The following PI4KA variants were observed in gnomAD, a reference collection of about 807,000 sequenced individuals.
PI4KA encodes PI4-kinase alpha.
PI4KA carries 122 observed loss-of-function variants against 271.4 expected under a neutral mutation model. That is an observed-to-expected ratio of 0.45 (90% CI 0.39 to 0.52). The LOEUF (loss-of-function observed/expected upper bound fraction) is 0.52. PI4KA is among the 20% of genes least tolerant of loss of function. The pLI, the probability that PI4KA is intolerant of heterozygous loss-of-function variation, is 0.00. For synonymous variants in PI4KA, 1,041 were observed against 1,078.8 expected, an observed-to-expected ratio of 0.96 and a Z score of 0.69; for missense variants, 1,969 against 2,769.1, an observed-to-expected ratio of 0.71 and a Z score of 6.48.
chr22:20,857,811 ATCTG>A (rs1200925471), intron 1 of PI4KA, among the ~76,000 whole-genome samples: 2 of 152,136 alleles, frequency 1.3e-5, no homozygotes, highest in African/African-American at 4.8e-5. Flanking sequence ...CCACTCTAAA[ATCTG>A]TCTCTTTCCA....
chr22:20,769,692 A>AG (rs929965087), intron 19 of PI4KA, among the ~76,000 whole-genome samples: 1 of 151,610 alleles, frequency 6.6e-6, no homozygotes, highest in Non-Finnish European at 1.5e-5. Context: ...AATCAAGGTC[A>AG]GGGGGGAAGT....
chr22:20,767,352 G>A (rs1180611221), intron 19 of PI4KA, among the ~76,000 whole-genome samples: 1 of 152,032 alleles, frequency 6.6e-6, no homozygotes, highest in African/African-American at 2.4e-5. Context: ...GCTGAGGCAG[G>A]AGAATGGCGT....
At chr22:20,812,710 T>A (rs1000564356) in intron 8 of PI4KA, among the ~76,000 whole-genome samples, 1 of 152,108 alleles carries the variant, frequency 6.6e-6, no homozygotes, top group African/African-American at 2.4e-5. Context: ...TCCACTACCA[T>A]GTACAGCTAA....
At position 20,837,512 on chromosome 22, in the gene PI4KA, A is replaced by G. The variant is rs569773681; in HGVS notation, c.273+1103T>C. Among the ~76,000 whole-genome samples, 6 of 152,308 alleles carry G rather than the reference A, an allele frequency of 3.9e-5. No individual in the cohort carries two copies. The East Asian group carries it at 1.2e-3, about 29-fold the overall frequency. ...TAATTAAAATTCTTATTTGTTTCCAATGTACAAATACTGTTAAAATATTAA... is the reference window on the plus strand; with the variant it reads ...TAATTAAAATTCTTATTTGTTTCCAGTGTACAAATACTGTTAAAATATTAA... On this transcript the variant is annotated intron_variant, in intron 2 of 54. Coordinates refer to ENST00000255882, the MANE Select transcript of PI4KA (RefSeq NM_058004.4).
At chr22:20,818,084 C>T (rs2147685146) in intron 7 of PI4KA, among the ~76,000 whole-genome samples, 1 of 152,200 alleles carries the variant, frequency 6.6e-6, no homozygotes, top group Non-Finnish European at 1.5e-5. Context: ...GAGACTACAC[C>T]ACTGCGCTCC....
intron 19 of PI4KA, chr22:20,784,163 C>T: frequency 6.2e-7 from 1 of 1,614,192 alleles, no homozygotes; most frequent in Non-Finnish European, 8.5e-7. Context: ...TGTGGTCCCA[C>T]ACAAGATGTC....
intron 1 of PI4KA, among the ~76,000 whole-genome samples, chr22:20,848,708 G>A (rs1349920421): frequency 6.6e-6 from 1 of 152,002 alleles, no homozygotes; most frequent in Non-Finnish European, 1.5e-5. Context: ...AAACTCAAAT[G>A]TAAGAGCTAA....
At position 20,776,370 on chromosome 22, in the gene PI4KA, G is replaced by A. The variant is rs190115554; in HGVS notation, c.2329-10677C>T. Among the ~76,000 whole-genome samples, 408 of 152,214 alleles carry A rather than the reference G, an allele frequency of 2.7e-3. 1 individual carries two copies. The highest frequency in any genetic ancestry group is 8.8e-3 in the African/African-American group (367 of 41,538). On this transcript the variant is annotated intron_variant, in intron 19 of 54. Transcript: ENST00000255882. The stretch of plus-strand genomic sequence containing the variant: ...AATCGTTTCTAGAAACTGTTTTCCC[G>A]TGTGTAAACTAGTGGCACTGCAGCC...
chr22:20,791,177 G>A (rs17820181), intron 19 of PI4KA, among the ~76,000 whole-genome samples: 36,384 of 152,096 alleles, frequency 0.24, 5,678 homozygotes, highest in Non-Finnish European at 0.34. Flanking sequence ...AGCTCTAAAT[G>A]ACAACTGCTC....
At chr22:20,771,220 C>G (rs1932858922) in intron 19 of PI4KA, among the ~76,000 whole-genome samples, 1 of 151,916 alleles carries the variant, frequency 6.6e-6, no homozygotes, top group Admixed American at 6.6e-5. Context: ...GTTAGGAGTT[C>G]AAGACCAGCC....
intron 13 of PI4KA, 121 bp downstream of exon 13, chr22:20,803,070 G>T: frequency 9.8e-7 from 1 of 1,024,208 alleles, no homozygotes; most frequent in Non-Finnish European, 1.5e-6. Context: ...CAAAGGGAAA[G>T]ACAGAAGGAA....
At chr22:20,767,384 C>T (rs188041307) in intron 19 of PI4KA, among the ~76,000 whole-genome samples, 22 of 151,732 alleles carry the variant, frequency 1.4e-4, no homozygotes, top group African/African-American at 5.3e-4. Flanking sequence ...GTTGAGCTTG[C>T]AGTGAGCCAA....
Position 20,739,409 on chromosome 22 carries a change from G to A in PI4KA, c.3741+2819C>T, listed in dbSNP as rs1175099088. 3.4e-5 allele frequency among the ~76,000 whole-genome samples: 5 copies of A among 148,892 alleles called. No individual in the cohort carries two copies. The East Asian group carries it at 9.8e-4, about 29-fold the overall frequency. On this transcript the variant is annotated intron_variant, in intron 32 of 54. Coordinates refer to ENST00000255882, the MANE Select transcript of PI4KA (RefSeq NM_058004.4). ...ACTGGGTCAGGAGGCCGAGGCAGCA[G>A]AATCACTTGAGCTCAGGAATTTGAC...
chr22:20,778,796 C>T (rs1933510385), intron 19 of PI4KA, among the ~76,000 whole-genome samples: 1 of 152,146 alleles, frequency 6.6e-6, no homozygotes, highest in African/African-American at 2.4e-5. Flanking sequence ...CTGGGCACTT[C>T]CACTCCTACC....
At chr22:20,741,194 G>A (rs1001402556) in intron 32 of PI4KA, among the ~76,000 whole-genome samples, 6 of 152,174 alleles carry the variant, frequency 3.9e-5, no homozygotes, top group African/African-American at 1.2e-4. Context: ...CAGTGGCAAT[G>A]GTATACAGCT....
At chr22:20,716,408 A>G (rs1338771268) in intron 45 of PI4KA, among the ~76,000 whole-genome samples, 1 of 152,116 alleles carries the variant, frequency 6.6e-6, no homozygotes, top group Admixed American at 6.5e-5. Flanking sequence ...AGGACAAGGG[A>G]AAGCCTGTTT....
At chr22:20,850,171 G>T (rs1926779049) in intron 1 of PI4KA, among the ~76,000 whole-genome samples, 1 of 152,038 alleles carries the variant, frequency 6.6e-6, no homozygotes, top group Non-Finnish European at 1.5e-5. Context: ...AGCCTATGAA[G>T]GATCAAATCA....
chr22:20,857,899 T>C (rs1186549855), intron 1 of PI4KA, among the ~76,000 whole-genome samples: 1 of 152,180 alleles, frequency 6.6e-6, no homozygotes, highest in Admixed American at 6.6e-5. Flanking sequence ...TGACTTCACC[T>C]TTCTCTTCTG....
rs1401650536 is a variant in PI4KA at position 20,713,874 on chromosome 22, A to G, written c.5462-484T>C. ...AAATTCATGTTCACCCCAAACCTTA[A>G]AATGTGTCCTTATTTGGAAACAGGG... is the stretch of plus-strand genomic sequence containing the variant. On this transcript the variant is annotated intron_variant, in intron 47 of 54. Transcript: ENST00000255882. 3.9e-5 allele frequency among the ~76,000 whole-genome samples: 6 copies of G among 151,982 alleles called. No homozygotes were observed. In the East Asian group the frequency reaches 5.9e-4, roughly 15 times the overall value.
Sources: gnomAD v4.1 joint callset for allele counts (sites outside exome capture counted in the v4.1 genomes callset) on GRCh38, gnomAD v4.1.1 for gene constraint, MANE v1.5 for transcripts, NCBI Gene and HGNC (gene_info 2026-07-23, HGNC 2026-07-21) for gene names.